Variants in CCL15 observed in about 807,000 individuals in gnomAD.
CCL15 encodes C-C motif chemokine ligand 15, also known as C-C motif chemokine 15.
CCL15 carries 8 observed loss-of-function variants against 10.6 expected under a neutral mutation model. The ratio of observed to expected loss-of-function variants is 0.75; its 90% CI spans 0.44 to 1.36. The LOEUF is 1.36. Among genes scored for constraint, CCL15 ranks in the 40% most tolerant of loss-of-function variants. CCL15 has a pLI of 0.00. For missense variants in CCL15, 128 were observed against 136.6 expected, an observed-to-expected ratio of 0.94 and a Z score of 0.32; for synonymous variants, 51 against 48.8, an observed-to-expected ratio of 1.04 and a Z score of -0.19.
intron 3 of CCL15, 29 bp from the exon 4 acceptor site, chr17:35,997,889 A>G: frequency 6.4e-7 from 1 of 1,571,036 alleles, no homozygotes; most frequent in Non-Finnish European, 8.8e-7. Flanking sequence ...AAAGATTACA[A>G]ACTGAGGTGT....
intron 1 of CCL15, among the ~76,000 whole-genome samples, chr17:36,000,462 CAAAAAAA>C (rs71157588): frequency 4.1e-5 from 2 of 49,096 alleles, no homozygotes; most frequent in African/African-American, 1.4e-4. Flanking sequence ...AACTCCATCT[CAAAAAAA>C]AAAAAAAAAA....
chr17:35,998,682 G>A (rs1349350857), intron 2 of CCL15, among the ~76,000 whole-genome samples, 184 bp downstream of exon 2: 3 of 152,248 alleles, frequency 2.0e-5, no homozygotes, highest in African/African-American at 7.2e-5. Flanking sequence ...GGCAGCCAGA[G>A]GGGAACAGAG....
In CCL15 at chr17:35,998,286, C is replaced by A; in HGVS notation, c.242G>T (p.Gly81Val). 1 of 1,611,334 alleles carries A rather than the reference C, an allele frequency of 6.2e-7. No individual in the cohort carries two copies. Among genetic ancestry groups the A allele is most frequent in the African/African-American group, 1.3e-5 (1 of 74,982 alleles). Residue 81 changes from glycine to valine, a missense_variant, in exon 3 of 4, where the codon GGT becomes GTT. Transcript: ENST00000617897. ...TGGTGAGCTTGGCACTTACATGACA[C>A]CTGGCTTGGAGCACTCGCTGCTCGT... ...FETSSECSKP[G>V]VIFLTKKGRQ... is the part of the protein sequence containing the mutation.
At chr17:35,999,398 G>A (rs1445306436) in intron 1 of CCL15, among the ~76,000 whole-genome samples, 1 of 151,328 alleles carries the variant, frequency 6.6e-6, no homozygotes, top group African/African-American at 2.4e-5. Flanking sequence ...AAAAATTGCT[G>A]TGTTTGATTG....
intron 1 of CCL15, among the ~76,000 whole-genome samples, chr17:36,000,044 G>A (rs1258179174): frequency 2.0e-5 from 3 of 151,542 alleles, no homozygotes; most frequent in Non-Finnish European, 4.4e-5. Flanking sequence ...CCAGCTACTC[G>A]GGAGGCTGAG....
chr17:35,999,657 T>C (rs985945539), intron 1 of CCL15, among the ~76,000 whole-genome samples: 5 of 152,032 alleles, frequency 3.3e-5, no homozygotes, highest in Non-Finnish European at 7.4e-5. Flanking sequence ...AGTGATGAGG[T>C]CTTGCTATGA....
intron 1 of CCL15, among the ~76,000 whole-genome samples, chr17:36,000,149 T>TAA (rs2089974345): frequency 1.1e-4 from 8 of 75,486 alleles, no homozygotes; most frequent in African/African-American, 6.8e-4. Context: ...AGACTCCATC[T>TAA]CAAAAAAAAA....
chr17:35,997,640 A>G lies in CCL15; in HGVS notation c.*127T>C. 1.7e-6 allele frequency: 1 copy of G among 598,532 alleles called. No individual in the cohort carries two copies. The highest frequency in any genetic ancestry group is 2.9e-6 in the Non-Finnish European group (1 of 342,158). 37.1% of individuals were successfully genotyped at this position (598,532 alleles called of 1,614,324 possible). ...CTCAAGCAAAGTTAAAAAATTGAAT[A>G]CTCTTTATTAGATGCATTACTTTCA... is the stretch of plus-strand genomic sequence containing the variant. On this transcript the variant is annotated 3_prime_UTR_variant, in exon 4 of 4. Transcript: ENST00000617897.
chr17:36,000,628 G>A (rs1382081097), intron 1 of CCL15, among the ~76,000 whole-genome samples: 1 of 151,860 alleles, frequency 6.6e-6, no homozygotes, highest in East Asian at 1.9e-4. Context: ...CACACACCAA[G>A]CCAGTATTTC....
At chr17:35,997,963 G>T (rs1007669809) in intron 3 of CCL15, 103 bp from the exon 4 acceptor site, 1 of 786,332 alleles carries the variant, frequency 1.3e-6, no homozygotes, top group Non-Finnish European at 2.2e-6. Context: ...AACACAGCCT[G>T]TTTTTTCCTT....
intron 1 of CCL15, among the ~76,000 whole-genome samples, chr17:36,000,303 A>C (rs895946405): frequency 1.3e-5 from 2 of 151,972 alleles, no homozygotes; most frequent in Non-Finnish European, 2.9e-5. Flanking sequence ...CTCTACTAAA[A>C]AGACACAAAA....
chr17:35,999,636 T>C (rs1183783552), intron 1 of CCL15, among the ~76,000 whole-genome samples: 1 of 151,900 alleles, frequency 6.6e-6, no homozygotes. Context: ...GCTAATAGTT[T>C]ACCTTTTTGT....
chr17:36,000,976 T>G (rs1047091698), intron 1 of CCL15, among the ~76,000 whole-genome samples: 20 of 152,268 alleles, frequency 1.3e-4, no homozygotes, highest in African/African-American at 3.4e-4. Context: ...CCTCCACAAA[T>G]TAAGATTCCA....
chr17:35,998,966 G>A (rs1237569635), intron 1 of CCL15, 41 bp from the exon 2 acceptor site: 1 of 1,546,246 alleles, frequency 6.5e-7, no homozygotes, highest in Admixed American at 1.7e-5. Context: ...CTGGGTGGCA[G>A]CAGTATGTTT....
chr17:36,001,447 C>A lies in CCL15; in HGVS notation c.46G>T (p.Val16Phe), dbSNP rs377723237. The A allele has an allele frequency of 1.9e-6, 3 of 1,614,120 alleles. No individual in the cohort carries two copies. The highest frequency in any genetic ancestry group is 2.5e-6 in the Non-Finnish European group (3 of 1,180,018). The part of the protein sequence containing the change: ...AALSCLMLVA[V>F]LGSQAQFTND... ...GTGAACTGGGCCTGGGATCCAAGGA[C>A]AGCAACAAGCATGAGGCAGGAGAGG... is the stretch of plus-strand genomic sequence containing the variant. Residue 16 changes from valine to phenylalanine, a missense_variant, in exon 1 of 4, where the codon GTC (valine) becomes TTC (phenylalanine). Coordinates refer to ENST00000617897, the MANE Select transcript of CCL15 (RefSeq NM_032965.6).
rs2089943912 is a variant in CCL15, at chr17:35,998,396, A to C, written c.137-5T>G. ...AGTCAGCAGCAAAGTGAAAGCCTGC[A>C]GCAAGAGAAAGCGTCATCTGAGGGC... On this transcript the variant is annotated splice_polypyrimidine_tract_variant and splice_region_variant and intron_variant, in intron 2 of 3. Coordinates refer to ENST00000617897, the MANE Select transcript of CCL15 (RefSeq NM_032965.6). 6.3e-7 allele frequency: 1 copy of C among 1,597,356 alleles called. No homozygotes were observed. Among genetic ancestry groups the C allele is most frequent in the South Asian group, 1.1e-5 (1 of 90,446 alleles).
At chr17:35,998,592 T>G (rs914833047) in intron 2 of CCL15, among the ~76,000 whole-genome samples, 1 of 152,152 alleles carries the variant, frequency 6.6e-6, no homozygotes, top group Non-Finnish European at 1.5e-5. Context: ...CCAAGAAAAT[T>G]TCCCCCAGAA....
In CCL15 at chr17:35,998,390, G is replaced by A; in HGVS notation, c.138C>T (p.Ser46=). 6.2e-7 allele frequency: 1 copy of A among 1,609,444 alleles called. No homozygotes were observed. Among genetic ancestry groups the A allele is most frequent in the Non-Finnish European group, 8.5e-7 (1 of 1,176,028 alleles). The change falls in exon 3 of 4, where the codon AGC becomes AGT. Residue 46 remains serine, a splice_region_variant and synonymous_variant. Coordinates refer to ENST00000617897, the MANE Select transcript of CCL15 (RefSeq NM_032965.6). ...TGCAGCAGTCAGCAGCAAAGTGAAA[G>A]CCTGCAGCAAGAGAAAGCGTCATCT... ...LPLENPVVLN[S]FHFAADCCTS...
chr17:35,999,211 T>C (rs2089959303), intron 1 of CCL15, among the ~76,000 whole-genome samples: 1 of 152,252 alleles, frequency 6.6e-6, no homozygotes, highest in Admixed American at 6.5e-5. Flanking sequence ...GTCTACATGA[T>C]GTGACACAGT....
Sources: allele counts gnomAD v4.1 joint callset (sites outside exome capture counted in the v4.1 genomes callset), GRCh38; gene constraint gnomAD v4.1.1; transcripts MANE v1.5; gene names NCBI Gene and HGNC (gene_info 2026-07-23, HGNC 2026-07-21).